DPH6: variants seen among roughly 807,000 people sequenced by gnomAD.
The protein encoded by DPH6 is diphthine--ammonia ligase.
In DPH6, 33 loss-of-function variants were observed where a neutral mutation model predicts 38.2. The ratio of observed to expected loss-of-function variants is 0.86; its 90% CI spans 0.65 to 1.15. The LOEUF is 1.15. Ranked by LOEUF, DPH6 falls within the 50% of genes most tolerant of loss-of-function variation. The probability of loss-of-function intolerance (pLI) is 0.00; values close to 1 mark genes in which losing one functional copy is unlikely to be tolerated. For missense variants in DPH6, 325 were observed against 320.0 expected, an observed-to-expected ratio of 1.02 and a Z score of -0.12; for synonymous variants, 108 against 103.0, an observed-to-expected ratio of 1.05 and a Z score of -0.30.
chr15:35,291,685 A>G (rs979630816), intron 3 of DPH6, among the ~76,000 whole-genome samples: 1 of 152,126 alleles, frequency 6.6e-6, no homozygotes, highest in African/African-American at 2.4e-5. Context: ...CCAGAATCTC[A>G]GCTACAAAAG....
the DPH6 span, among the ~76,000 whole-genome samples, chr15:35,196,645 T>G: frequency 3.3e-5 from 5 of 152,210 alleles, no homozygotes; most frequent in African/African-American, 4.8e-5. Flanking sequence ...ACATTTGAGC[T>G]TGCTTTATAA....
intron 3 of DPH6, among the ~76,000 whole-genome samples, chr15:35,535,840 G>A (rs923507961): frequency 1.3e-5 from 2 of 152,088 alleles, no homozygotes; most frequent in Non-Finnish European, 2.9e-5. Context: ...CTACAAAATA[G>A]TTATGAAACA....
chr15:35,423,745 G>A (rs1265750077), intron 5 of DPH6, among the ~76,000 whole-genome samples: 5 of 151,502 alleles, frequency 3.3e-5, no homozygotes, highest in African/African-American at 1.2e-4. Context: ...TCTATTTTGA[G>A]TTGTATATGG....
intron 3 of DPH6, among the ~76,000 whole-genome samples, chr15:35,532,448 T>C (rs1054938292): frequency 2.0e-5 from 3 of 152,040 alleles, no homozygotes; most frequent in African/African-American, 7.2e-5. Context: ...GCATTATCAA[T>C]AGGTGCTGGA....
the DPH6 span, among the ~76,000 whole-genome samples, chr15:35,149,503 C>T: frequency 6.6e-6 from 1 of 152,300 alleles, no homozygotes; most frequent in African/African-American, 2.4e-5. Context: ...TCCCAAAGTG[C>T]TGGGATTACA....
chr15:35,543,359 T>C (rs532426843), intron 1 of DPH6, among the ~76,000 whole-genome samples: 9 of 148,314 alleles, frequency 6.1e-5, no homozygotes, highest in Non-Finnish European at 1.0e-4. Context: ...GAAAGGAACT[T>C]CTAAATTCTG....
At chr15:35,433,635 T>C (rs965570811) in intron 5 of DPH6, among the ~76,000 whole-genome samples, 5 of 152,226 alleles carry the variant, frequency 3.3e-5, no homozygotes, top group African/African-American at 1.2e-4. Flanking sequence ...TGTGTTCCTA[T>C]AAAACTCTAT....
At chr15:35,178,197 A>C in the DPH6 span, among the ~76,000 whole-genome samples, 2 of 152,212 alleles carry the variant, frequency 1.3e-5, no homozygotes, top group Non-Finnish European at 2.9e-5. Flanking sequence ...TCCACAAATA[A>C]TTCTTCAAAA....
intron 6 of DPH6, among the ~76,000 whole-genome samples, chr15:35,408,386 T>A (rs2053322463): frequency 6.6e-6 from 1 of 152,002 alleles, no homozygotes; most frequent in South Asian, 2.1e-4. Flanking sequence ...GTAACACACA[T>A]CTGAATTAAG....
the DPH6 span, among the ~76,000 whole-genome samples, chr15:35,155,084 C>T: frequency 6.6e-6 from 1 of 152,156 alleles, no homozygotes; most frequent in Non-Finnish European, 1.5e-5. Flanking sequence ...GGACCTTTAT[C>T]TCTGGCCTGT....
rs1183997703 is a variant in DPH6, at chr15:35,542,426, T to C, written c.105A>G (p.Pro35=). ...GCATGTACTTACCTTGGTTTTCAGC[T>C]GGTCTTAGATTTGCTAAAGCAACGA... ...HQIVALANLR[P]AENQVGSDEL... Residue 35 remains proline (P), a synonymous_variant, in exon 2 of 9, where the codon CCA becomes CCG. Coordinates refer to ENST00000256538, the MANE Select transcript of DPH6 (RefSeq NM_080650.4). 3.2e-6 allele frequency: 5 copies of C among 1,568,028 alleles called. No individual in the cohort carries two copies. Among genetic ancestry groups the C allele is most frequent in the Non-Finnish European group, 3.5e-6 (4 of 1,144,668 alleles).
chr15:35,496,380 C>T (rs1246273576), intron 3 of DPH6, among the ~76,000 whole-genome samples: 1 of 150,632 alleles, frequency 6.6e-6, no homozygotes, highest in African/African-American at 2.4e-5. Flanking sequence ...CATGGTGGAA[C>T]CTGTTTCTAC....
chr15:35,346,614 G>C (rs749937686), intron 3 of DPH6, among the ~76,000 whole-genome samples: 1 of 151,876 alleles, frequency 6.6e-6, no homozygotes, highest in Non-Finnish European at 1.5e-5. Flanking sequence ...GTTTATATTC[G>C]ACTTAATTTC....
intron 3 of DPH6, chr15:35,299,033 T>A (rs2052035237): frequency 1.2e-5 from 9 of 721,160 alleles, no homozygotes; most frequent in Admixed American, 2.1e-5. Context: ...CATGTCTGTA[T>A]TTATGCCTTT....
At chr15:35,341,762 T>C (rs2052423425) in intron 3 of DPH6, among the ~76,000 whole-genome samples, 1 of 151,982 alleles carries the variant, frequency 6.6e-6, no homozygotes, top group East Asian at 1.9e-4. Flanking sequence ...CCCAGGGGGG[T>C]ACTGACCTGT....
At chr15:35,460,828 A>G (rs1160058976) in intron 3 of DPH6, among the ~76,000 whole-genome samples, 3 of 149,930 alleles carry the variant, frequency 2.0e-5, no homozygotes, top group Admixed American at 6.8e-5. Flanking sequence ...TAGTCCAGGC[A>G]GCTGTCTGAC....
intron 3 of DPH6, among the ~76,000 whole-genome samples, chr15:35,358,687 C>T (rs2052589070): frequency 6.6e-6 from 1 of 152,162 alleles, no homozygotes; most frequent in Non-Finnish European, 1.5e-5. Flanking sequence ...GTCTACCTGG[C>T]TCTGGGCTGG....
rs75971970 is a variant in DPH6, at chr15:35,448,897, C to G, written c.505+1788G>C. The stretch of plus-strand genomic sequence containing the variant: ...TTGTATGCATTCATGTAGAACTGAC[C>G]TTTTTCTATTATAAGACCATTTCAT... On this transcript the variant is annotated intron_variant, in intron 5 of 8. Coordinates refer to ENST00000256538, the MANE Select transcript of DPH6 (RefSeq NM_080650.4). Among the ~76,000 whole-genome samples the G allele has an allele frequency of 4.0e-3, 605 of 150,720 alleles. 4 individuals carry two copies. In the East Asian group the frequency reaches 0.042, roughly 10 times the overall value.
the DPH6 span, among the ~76,000 whole-genome samples, chr15:35,193,233 C>T: frequency 4.6e-5 from 7 of 151,634 alleles, no homozygotes; most frequent in Non-Finnish European, 1.0e-4. Context: ...CAGATTTCCC[C>T]CTTTTAAGAA....
Sources: gnomAD v4.1 joint callset for allele counts (sites outside exome capture counted in the v4.1 genomes callset) on GRCh38, gnomAD v4.1.1 for gene constraint, MANE v1.5 for transcripts, NCBI Gene and HGNC (gene_info 2026-07-23, HGNC 2026-07-21) for gene names.